ITPR2: variants seen among roughly 807,000 people sequenced by gnomAD.
ITPR2 encodes the protein inositol 1,4,5-trisphosphate-gated calcium channel ITPR2.
A neutral mutation model predicts 317.1 loss-of-function variants in ITPR2; 207 were observed. The observed-to-expected ratio is 0.65, with a 90% CI of 0.58 to 0.73. ITPR2 has a LOEUF of 0.73. ITPR2 is among the 30% of genes least tolerant of loss of function. The pLI, the probability that ITPR2 is intolerant of heterozygous loss-of-function variation, is 0.00. For missense variants in ITPR2, 2,613 were observed against 3,284.0 expected (o/e 0.80, Z 4.99); for synonymous variants, 1,156 against 1,149.1 (o/e 1.01, Z -0.12).
chr12:26,453,744 T>C (rs1941801562), intron 45 of ITPR2, among the ~76,000 whole-genome samples: 1 of 152,210 alleles, frequency 6.6e-6, no homozygotes, highest in Non-Finnish European at 1.5e-5. Flanking sequence ...AGAAATGAAT[T>C]TGCTGGATAT....
chr12:26,355,649 C>T (rs936581059), intron 55 of ITPR2, among the ~76,000 whole-genome samples: 2 of 152,338 alleles, frequency 1.3e-5, no homozygotes, highest in East Asian at 3.9e-4. Flanking sequence ...TCTCCTTTAA[C>T]TCTTATAAAA....
chr12:26,432,530 A>T (rs1425056500), intron 48 of ITPR2, among the ~76,000 whole-genome samples: 1 of 151,350 alleles, frequency 6.6e-6, no homozygotes, highest in Non-Finnish European at 1.5e-5. Flanking sequence ...GTGGGGACAG[A>T]ATTGTACATT....
At chr12:26,608,784 A>AT (rs555548190) in intron 26 of ITPR2, among the ~76,000 whole-genome samples, 300 of 109,102 alleles carry the variant, frequency 2.7e-3, no homozygotes, top group African/African-American at 9.2e-3. Context: ...TTACTTTTAA[A>AT]TTAAAAAAAA....
At chr12:26,718,881 C>A (rs1219846117) in intron 5 of ITPR2, among the ~76,000 whole-genome samples, 2 of 152,064 alleles carry the variant, frequency 1.3e-5, no homozygotes, top group Admixed American at 6.6e-5. Context: ...CAAAGGATTA[C>A]ATAGGCGTGA....
intron 37 of ITPR2, among the ~76,000 whole-genome samples, chr12:26,537,503 A>G (rs965025247): frequency 6.6e-6 from 1 of 152,238 alleles, no homozygotes; most frequent in Admixed American, 6.5e-5. Flanking sequence ...GCACTGTCAG[A>G]GAAAATAAAA....
In ITPR2 at chr12:26,715,295, A is replaced by C; in HGVS notation, c.855+4T>G. 6.2e-7 allele frequency: 1 copy of C among 1,606,994 alleles called. No individual in the cohort carries two copies. Reference sequence around the variant, plus strand: ...TTATTAAGTGCCAAAAAACATTTACATACCTCTATTTCCCAGAGTGCTTTA... The same window carrying C: ...TTATTAAGTGCCAAAAAACATTTACCTACCTCTATTTCCCAGAGTGCTTTA... On this transcript the variant is annotated splice_donor_region_variant and intron_variant, in intron 8 of 56. Transcript: ENST00000381340.
At chr12:26,574,962 G>C (rs918430463) in intron 34 of ITPR2, among the ~76,000 whole-genome samples, 1 of 151,652 alleles carries the variant, frequency 6.6e-6, no homozygotes, top group Non-Finnish European at 1.5e-5. Flanking sequence ...CTCCAACGTC[G>C]GAATCCCATT....
intron 13 of ITPR2, among the ~76,000 whole-genome samples, chr12:26,669,794 T>A (rs1414858319): frequency 6.6e-6 from 1 of 152,192 alleles, no homozygotes; most frequent in African/African-American, 2.4e-5. Context: ...CCTTTCCTAG[T>A]CAAAGAAAGA....
At chr12:26,546,132 T>A (rs988738396) in intron 37 of ITPR2, among the ~76,000 whole-genome samples, 1 of 152,224 alleles carries the variant, frequency 6.6e-6, no homozygotes, top group Non-Finnish European at 1.5e-5. Flanking sequence ...TTCCTTTTTC[T>A]TTTTTGTTCT....
intron 1 of ITPR2, among the ~76,000 whole-genome samples, chr12:26,810,771 C>T (rs966411917): frequency 8.5e-5 from 13 of 152,154 alleles, no homozygotes; most frequent in African/African-American, 2.9e-4. Context: ...CTTTAACTTC[C>T]CTGAATGCTG....
At chr12:26,366,829 G>A (rs1434059655) in intron 55 of ITPR2, among the ~76,000 whole-genome samples, 2 of 152,012 alleles carry the variant, frequency 1.3e-5, no homozygotes, top group African/African-American at 4.8e-5. Flanking sequence ...CATTTTTCTG[G>A]TTCTCTAAAA....
intron 32 of ITPR2, among the ~76,000 whole-genome samples, chr12:26,589,853 T>TATATATACACAC (rs780511857): frequency 5.2e-5 from 3 of 57,304 alleles, no homozygotes; most frequent in African/African-American, 1.1e-4. Context: ...TATATATATA[T>TATATATACACAC]ACACACACAC....
intron 37 of ITPR2, among the ~76,000 whole-genome samples, chr12:26,510,926 G>T (rs775332362): frequency 1.3e-5 from 2 of 152,162 alleles, no homozygotes; most frequent in East Asian, 3.8e-4. Flanking sequence ...TTCACTAGAC[G>T]TGTTGGGGGC....
At chr12:26,670,233 G>A (rs1947731304) in intron 13 of ITPR2, among the ~76,000 whole-genome samples, 1 of 152,176 alleles carries the variant, frequency 6.6e-6, no homozygotes, top group African/African-American at 2.4e-5. Flanking sequence ...CTGAGAACGG[G>A]CAGACTGCCT....
At chr12:26,467,784 T>C (rs1027889755) in intron 45 of ITPR2, among the ~76,000 whole-genome samples, 8 of 152,044 alleles carry the variant, frequency 5.3e-5, no homozygotes, top group Non-Finnish European at 7.4e-5. Context: ...CATTTTTTAT[T>C]GTACCCATTA....
rs1555121666 is a variant in ITPR2 at position 26,414,050 on chromosome 12, T to TCACACAC, written c.7306+1252_7306+1253insGTGTGTG. 6.2e-3 allele frequency among the ~76,000 whole-genome samples: 855 copies of TCACACAC among 138,194 alleles called. 4 individuals are homozygous for TCACACAC. The highest frequency in any genetic ancestry group is 0.011 in the East Asian group (46 of 4,150). The allele number at this position is 138,194 out of a possible 152,430, so 90.7% of individuals were successfully genotyped here. ...AGCAGATAGTCTACATGTATATATG[T>TCACACAC]ACACACACACACACACACACACACA... On this transcript the variant is annotated intron_variant, in intron 51 of 56. Coordinates refer to ENST00000381340, the MANE Select transcript of ITPR2 (RefSeq NM_002223.4).
chr12:26,498,639 C>T (rs750721465), intron 37 of ITPR2, among the ~76,000 whole-genome samples: 8 of 152,116 alleles, frequency 5.3e-5, no homozygotes, highest in South Asian at 2.1e-4. Flanking sequence ...CTCACCTCTA[C>T]AGACCACTCA....
At chr12:26,533,054 C>T (rs1348610849) in intron 37 of ITPR2, among the ~76,000 whole-genome samples, 1 of 152,166 alleles carries the variant, frequency 6.6e-6, no homozygotes, top group Non-Finnish European at 1.5e-5. Flanking sequence ...AATGTGCATT[C>T]TTCATGATCA....
At chr12:26,346,290 A>T (rs1181718262) in intron 55 of ITPR2, among the ~76,000 whole-genome samples, 2 of 152,216 alleles carry the variant, frequency 1.3e-5, no homozygotes, top group African/African-American at 4.8e-5. Context: ...GAAACCTTGT[A>T]GTCATTCAAT....
Sources: gnomAD v4.1 joint callset for allele counts (sites outside exome capture counted in the v4.1 genomes callset) on GRCh38, gnomAD v4.1.1 for gene constraint, MANE v1.5 for transcripts, NCBI Gene and HGNC (gene_info 2026-07-23, HGNC 2026-07-21) for gene names.